ZDHHC21: variants seen among roughly 807,000 people sequenced by gnomAD.
ZDHHC21 encodes the protein zDHHC palmitoyltransferase 21, also known as palmitoyltransferase ZDHHC21.
A neutral mutation model predicts 34.6 loss-of-function variants in ZDHHC21; 15 were observed. The observed-to-expected ratio is 0.43, with a 90% CI of 0.29 to 0.67. The LOEUF is 0.67. ZDHHC21 is among the 30% of genes least tolerant of loss of function. The pLI, the probability that ZDHHC21 is intolerant of heterozygous loss-of-function variation, is 0.14. For synonymous variants in ZDHHC21, 142 were observed against 101.8 expected (o/e 1.40, Z -2.38); for missense variants, 344 against 327.7 (o/e 1.05, Z -0.38).
chr9:14,641,480 T>C (rs571096132), intron 7 of ZDHHC21, among the ~76,000 whole-genome samples: 1 of 152,308 alleles, frequency 6.6e-6, no homozygotes, highest in Admixed American at 6.5e-5. Flanking sequence ...AGTTTGACCA[T>C]GGCAATCATT....
intron 8 of ZDHHC21, among the ~76,000 whole-genome samples, chr9:14,634,907 T>C (rs529130429): frequency 3.3e-5 from 5 of 152,014 alleles, no homozygotes; most frequent in South Asian, 2.1e-4. Flanking sequence ...AAGAAGCTCA[T>C]TGAGATAAAG....
intron 8 of ZDHHC21, among the ~76,000 whole-genome samples, chr9:14,633,392 C>G (rs1288824768): frequency 6.6e-6 from 1 of 152,130 alleles, no homozygotes; most frequent in African/African-American, 2.4e-5. Flanking sequence ...CTCCTGCATC[C>G]TAGCTAGAGG....
At chr9:14,624,833 G>A (rs1182749662) in intron 8 of ZDHHC21, among the ~76,000 whole-genome samples, 1 of 152,074 alleles carries the variant, frequency 6.6e-6, no homozygotes, top group Non-Finnish European at 1.5e-5. Context: ...AAAAACGTTT[G>A]AGGTGATGGA....
At chr9:14,682,681 G>A (rs767450144) in intron 2 of ZDHHC21, among the ~76,000 whole-genome samples, 4 of 152,136 alleles carry the variant, frequency 2.6e-5, no homozygotes, top group Non-Finnish European at 5.9e-5. Context: ...TCTGCACCAA[G>A]AGGACCTAAT....
intron 8 of ZDHHC21, among the ~76,000 whole-genome samples, chr9:14,636,498 C>A (rs1297506524): frequency 6.6e-6 from 1 of 152,094 alleles, no homozygotes; most frequent in East Asian, 1.9e-4. Flanking sequence ...TTAGACAGAT[C>A]TAGTAAAATA....
At chr9:14,693,207 G>GC (rs1839443974) in intron 1 of ZDHHC21, 22 bp downstream of exon 1, 3 of 352,798 alleles carry the variant, frequency 8.5e-6, no homozygotes, top group Non-Finnish European at 5.5e-6. Flanking sequence ...CGGCCGCTTC[G>GC]CCCCCGCGCC....
chr9:14,676,106 C>T (rs556701363), intron 3 of ZDHHC21, among the ~76,000 whole-genome samples: 3 of 152,010 alleles, frequency 2.0e-5, no homozygotes, highest in Admixed American at 6.6e-5. Context: ...AAATGTGTAC[C>T]GTGAATAAAT....
At chr9:14,679,021 G>A (rs929735097) in intron 3 of ZDHHC21, among the ~76,000 whole-genome samples, 1 of 152,070 alleles carries the variant, frequency 6.6e-6, no homozygotes, top group East Asian at 1.9e-4. Context: ...AGGCATGAGG[G>A]AACTCTCTGT....
chr9:14,618,747 A>T lies in ZDHHC21; in HGVS notation c.*219T>A. 1 of 399,786 alleles carries T rather than the reference A, an allele frequency of 2.5e-6. No homozygotes were observed. Among genetic ancestry groups the T allele is most frequent in the Non-Finnish European group, 4.3e-6 (1 of 235,258 alleles). The allele number at this position is 399,786 out of a possible 1,614,324, so 24.8% of individuals were successfully genotyped here. A position where few individuals can be genotyped will look rare whatever the true frequency, so the allele number is the denominator to read the frequency against. ...TTTCAAGAAATCCCTGTGGAAAGCTAATTTGAAAGTAAACATGCTTTAAAA... is the reference window on the plus strand; with the variant it reads ...TTTCAAGAAATCCCTGTGGAAAGCTTATTTGAAAGTAAACATGCTTTAAAA... On this transcript the variant is annotated 3_prime_UTR_variant, in exon 10 of 10. Coordinates refer to ENST00000380916, the MANE Select transcript of ZDHHC21 (RefSeq NM_178566.6).
rs183417577 is a variant in ZDHHC21 at position 14,640,104 on chromosome 9, C to A, written c.505-92G>T. 1.1e-5 allele frequency: 7 copies of A among 625,408 alleles called. No homozygotes were observed. The African/African-American group carries it at 1.3e-4, about 11-fold the overall frequency. 38.7% of individuals were successfully genotyped at this position (625,408 alleles called of 1,614,324 possible). A position where few individuals can be genotyped will look rare whatever the true frequency, so the allele number is the denominator to read the frequency against. ...AATCAAGAATTGAGCCATAACACATCTTCCTTATTATCTTAAAAGAACTAC... is the reference window on the plus strand; with the variant it reads ...AATCAAGAATTGAGCCATAACACATATTCCTTATTATCTTAAAAGAACTAC... On this transcript the variant is annotated intron_variant, in intron 7 of 9. Coordinates refer to ENST00000380916, the MANE Select transcript of ZDHHC21 (RefSeq NM_178566.6).
At chr9:14,684,301 C>G (rs1446888891) in intron 2 of ZDHHC21, among the ~76,000 whole-genome samples, 1 of 151,750 alleles carries the variant, frequency 6.6e-6, no homozygotes, top group East Asian at 1.9e-4. Context: ...ATTTAGAAAA[C>G]CCCATTGTCT....
chr9:14,650,301 C>G (rs2133825760), intron 7 of ZDHHC21, among the ~76,000 whole-genome samples: 1 of 151,966 alleles, frequency 6.6e-6, no homozygotes, highest in East Asian at 1.9e-4. Context: ...TCTCTAGTAG[C>G]ATCTCAGGAA....
chr9:14,640,441 T>C (rs112453972), intron 7 of ZDHHC21, among the ~76,000 whole-genome samples: 8,825 of 152,150 alleles, frequency 0.058, 309 homozygotes, highest in Admixed American at 0.12. Context: ...CACAGCATGA[T>C]TCATATTACT....
intron 2 of ZDHHC21, among the ~76,000 whole-genome samples, chr9:14,680,627 A>G (rs1277872312): frequency 6.6e-6 from 1 of 152,196 alleles, no homozygotes; most frequent in African/African-American, 2.4e-5. Context: ...AGTTTCTACA[A>G]TTCAAGCTTA....
At chr9:14,589,244 C>G in the ZDHHC21 span, 2 of 152,050 alleles carry the variant, frequency 1.3e-5, no homozygotes, top group Non-Finnish European at 2.9e-5. Context: ...ACTGCAACTG[C>G]ATTACTGTTT....
At position 14,686,972 on chromosome 9, in the gene ZDHHC21, C is replaced by CA. The variant is rs1216700638; in HGVS notation, c.-176+3364dup. On this transcript the variant is annotated intron_variant, in intron 2 of 9. Coordinates refer to ENST00000380916, the MANE Select transcript of ZDHHC21 (RefSeq NM_178566.6). ...TGGGCGACAGGGCGAGACTTCATCTCAAAAAAACAAAAAAAAAAACAATGT... is the reference window on the plus strand; with the variant it reads ...TGGGCGACAGGGCGAGACTTCATCTCAAAAAAAACAAAAAAAAAAACAATGT... Among the ~76,000 whole-genome samples the CA allele has an allele frequency of 4.8e-4, 34 of 70,422 alleles. 2 individuals are homozygous for CA. The highest frequency in any genetic ancestry group is 6.2e-4 in the Non-Finnish European group (18 of 28,952). 46.2% of individuals were successfully genotyped at this position (70,422 alleles called of 152,430 possible). A position where few individuals can be genotyped will look rare whatever the true frequency, so the allele number is the denominator to read the frequency against.
chr9:14,678,038 C>T (rs552890023), intron 3 of ZDHHC21, among the ~76,000 whole-genome samples: 2 of 152,046 alleles, frequency 1.3e-5, no homozygotes, highest in African/African-American at 4.8e-5. Context: ...TACCACTGTT[C>T]GACGATATTC....
chr9:14,589,330 G>A, the ZDHHC21 span: 1 of 152,274 alleles, frequency 6.6e-6, no homozygotes, highest in East Asian at 1.9e-4. Flanking sequence ...CACATTGGCT[G>A]ACAGGTGGTA....
intron 8 of ZDHHC21, among the ~76,000 whole-genome samples, 158 bp downstream of exon 8, chr9:14,639,738 G>C (rs949534912): frequency 6.6e-6 from 1 of 152,040 alleles, no homozygotes; most frequent in African/African-American, 2.4e-5. Context: ...CTTTGTACTT[G>C]ATTATAACTA....
Sources: allele counts gnomAD v4.1 joint callset (sites outside exome capture counted in the v4.1 genomes callset), GRCh38; gene constraint gnomAD v4.1.1; transcripts MANE v1.5; gene names NCBI Gene and HGNC (gene_info 2026-07-23, HGNC 2026-07-21).